Variants in VARS2 observed in about 807,000 individuals in gnomAD.
VARS2 encodes valyl-tRNA synthetase 2, mitochondrial, also known as valine--tRNA ligase, mitochondrial.
In VARS2, 105 loss-of-function variants were observed where a neutral mutation model predicts 154.1. That is an observed-to-expected ratio of 0.68 (90% CI 0.58 to 0.80). The LOEUF is 0.80. Among genes scored for constraint, VARS2 ranks in the 30% least tolerant of loss-of-function variants. The probability of loss-of-function intolerance (pLI) is 0.00; values close to 1 mark genes in which losing one functional copy is unlikely to be tolerated. For missense variants in VARS2, 1,157 were observed against 1,361.4 expected (o/e 0.85, Z 2.36); for synonymous variants, 483 against 539.5 (o/e 0.90, Z 1.45).
At chr6:30,914,420 G>C (rs1186463186) in intron 1 of VARS2, 76 bp downstream of exon 1, 2 of 1,274,136 alleles carry the variant, frequency 1.6e-6, no homozygotes, top group Admixed American at 4.0e-5. Flanking sequence ...GGATGGGCGG[G>C]AAGGCTTGGC....
chr6:30,924,591 T>G, intron 26 of VARS2, 31 bp downstream of exon 26: 1 of 1,231,330 alleles, frequency 8.1e-7, no homozygotes, highest in Non-Finnish European at 1.1e-6. Flanking sequence ...AGTGGGTCTG[T>G]GGGTGAATGG....
At position 30,921,489 on chromosome 6, in the gene VARS2, C is replaced by T. The variant is rs561052092; in HGVS notation, c.1633-100C>T. The T allele has an allele frequency of 2.9e-5, 43 of 1,466,758 alleles. No individual in the cohort carries two copies. The highest frequency in any genetic ancestry group is 3.7e-5 in the Non-Finnish European group (40 of 1,071,432). The allele number at this position is 1,466,758 out of a possible 1,614,324, so 90.9% of individuals were successfully genotyped here. On this transcript the variant is annotated intron_variant, in intron 17 of 29. Transcript: ENST00000676266. This position sits in a 1 kb window ranked among gnomAD's most constrained non-coding sequence, Gnocchi z 4.6. ...TTCTTTATCTCACCCCTGGGGGAACCTGGCCACTCTAAGACCACATGAGGA... is the reference window on the plus strand; with the variant it reads ...TTCTTTATCTCACCCCTGGGGGAACTTGGCCACTCTAAGACCACATGAGGA...
Position 30,923,199 on chromosome 6 carries a change from G to A in VARS2, c.2281G>A (p.Gly761Arg). 6.2e-7 allele frequency: 1 copy of A among 1,613,124 alleles called. No homozygotes were observed. Among genetic ancestry groups the A allele is most frequent in the Non-Finnish European group, 8.5e-7 (1 of 1,180,030 alleles). Reference sequence around the variant, plus strand: ...TCTTCGCTTTATCCTCAATGCTTTAGGGGAGAAATTTGTGCCACAGCCTGC... The same window carrying A: ...TCTTCGCTTTATCCTCAATGCTTTAAGGGAGAAATTTGTGCCACAGCCTGC... ...NALRFILNAL[G>R]EKFVPQPAEE... Residue 761 changes from glycine (G) to arginine (R), a missense_variant, in exon 24 of 30, where the codon GGG becomes AGG. Transcript: ENST00000676266.
At position 30,922,004 on chromosome 6, in the gene VARS2, G is replaced by T. The variant is rs767946859; in HGVS notation, c.1806+9G>T. The T allele has an allele frequency of 6.2e-7, 1 of 1,612,962 alleles. No homozygotes were observed. Among genetic ancestry groups the T allele is most frequent in the South Asian group, 1.1e-5 (1 of 91,076 alleles). On this transcript the variant is annotated intron_variant, in intron 19 of 29. Coordinates refer to ENST00000676266, the MANE Select transcript of VARS2 (RefSeq NM_020442.6). ...TGGGCTGGCCCCAAGAGGTGAGGTG[G>T]GTTGAGAGGGCGAAAGTGAAGGGGA...
In VARS2 at chr6:30,921,447, G is replaced by C. The variant is rs1272607318; in HGVS notation, c.1632+142G>C. On this transcript the variant is annotated intron_variant, in intron 17 of 29. Coordinates refer to ENST00000676266, the MANE Select transcript of VARS2 (RefSeq NM_020442.6). This position sits in a 1 kb window ranked among gnomAD's most constrained non-coding sequence, Gnocchi z 4.6. ...TCATGTAACCTTCTGCGCGATCAAG[G>C]CTCCCTGAAGTGGCATTTCTTTATC... 7.1e-7 allele frequency: 1 copy of C among 1,407,526 alleles called. No homozygotes were observed. Among genetic ancestry groups the C allele is most frequent in the Non-Finnish European group, 9.8e-7 (1 of 1,016,216 alleles). 87.2% of individuals were successfully genotyped at this position (1,407,526 alleles called of 1,614,324 possible).
Position 30,917,685 on chromosome 6 carries a change from G to T in VARS2, c.874-10G>T. 6.5e-7 allele frequency: 1 copy of T among 1,548,460 alleles called. No homozygotes were observed. On this transcript the variant is annotated splice_polypyrimidine_tract_variant and intron_variant, in intron 9 of 29. Transcript: ENST00000676266. The surrounding 1 kb of genome is among the most constrained non-coding windows in gnomAD (Gnocchi z 4.4). The stretch of plus-strand genomic sequence containing the variant: ...GCTGCCCTCTGACCCAGCTTTCTCG[G>T]TGCCTCCAGGTGGAGAACCGGCCCC...
Position 30,925,386 on chromosome 6 carries a change from G to A in VARS2, c.2785+1G>A, listed in dbSNP as rs745701814. 38 of 1,607,682 alleles carry A rather than the reference G, an allele frequency of 2.4e-5. No homozygotes were observed. The highest frequency in any genetic ancestry group is 3.2e-5 in the Non-Finnish European group (38 of 1,176,944). ...CAGCTCACCAAAGCCCGGCCCCGAG[G>A]TGAGGCAAGGCGGGTCCTGGGCTCG... On this transcript the variant is annotated splice_donor_variant, in intron 27 of 29. Coordinates refer to ENST00000676266, the MANE Select transcript of VARS2 (RefSeq NM_020442.6). LOFTEE classifies it high-confidence loss of function.
chr6:30,919,712 C>A lies in VARS2; in HGVS notation c.1075-46C>A. The A allele has an allele frequency of 6.8e-7, 1 of 1,480,664 alleles. No homozygotes were observed. The highest frequency in any genetic ancestry group is 9.1e-7 in the Non-Finnish European group (1 of 1,103,358). 91.7% of individuals were successfully genotyped at this position (1,480,664 alleles called of 1,614,324 possible). A position where few individuals can be genotyped will look rare whatever the true frequency, so the allele number is the denominator to read the frequency against. On this transcript the variant is annotated intron_variant, in intron 11 of 29. Transcript: ENST00000676266. This position sits in a 1 kb window ranked among gnomAD's most constrained non-coding sequence, Gnocchi z 4.5. ...TCTCACGCCCCAGCCCAGACCCTTC[C>A]AACCCTCACAGGTGCCTGTCCTTGA...
rs41273021 is a variant in VARS2, at chr6:30,918,952, C to T, written c.1074+37C>T. 0.1 allele frequency: 160,893 copies of T among 1,575,516 alleles called. 9,727 individuals are homozygous for T. Among genetic ancestry groups the T allele is most frequent in the Non-Finnish European group, 0.12 (136,277 of 1,147,920 alleles). On this transcript the variant is annotated intron_variant, in intron 11 of 29. Transcript: ENST00000676266. ...TGCGCTCCTGCACTCTGGCCCGCCC[C>T]GCCAATGGCCTTCTCTTCTCTTGGG...
In VARS2 at chr6:30,921,417, C is replaced by G; in HGVS notation, c.1632+112C>G. 1 of 1,463,972 alleles carries G rather than the reference C, an allele frequency of 6.8e-7. No individual in the cohort carries two copies. The highest frequency in any genetic ancestry group is 1.4e-5 in the African/African-American group (1 of 71,986). 90.7% of individuals were successfully genotyped at this position (1,463,972 alleles called of 1,614,324 possible). On this transcript the variant is annotated intron_variant, in intron 17 of 29. Coordinates refer to ENST00000676266, the MANE Select transcript of VARS2 (RefSeq NM_020442.6). The surrounding 1 kb of genome is among the most constrained non-coding windows in gnomAD (Gnocchi z 4.6). ...CCTGCCTGGTCATGTGCTTCATGCTCATAGTCATGTAACCTTCTGCGCGAT... is the reference window on the plus strand; with the variant it reads ...CCTGCCTGGTCATGTGCTTCATGCTGATAGTCATGTAACCTTCTGCGCGAT...
At position 30,914,310 on chromosome 6, in the gene VARS2, C is replaced by T; in HGVS notation, c.-62C>T. On this transcript the variant is annotated 5_prime_UTR_variant, in exon 1 of 30. Transcript: ENST00000676266. ...TGGTGGATTCCTCAGTCCCTGCCGC[C>T]GCGGGGCGCCCTGGGATAGCGGCGG... The T allele has an allele frequency of 1.8e-6, 2 of 1,142,412 alleles. No homozygotes were observed. Among genetic ancestry groups the T allele is most frequent in the Non-Finnish European group, 2.2e-6 (2 of 902,818 alleles). 70.8% of individuals were successfully genotyped at this position (1,142,412 alleles called of 1,614,324 possible).
chr6:30,914,319 C>G lies in VARS2; in HGVS notation c.-53C>G. 1.7e-6 allele frequency: 2 copies of G among 1,174,306 alleles called. No homozygotes were observed. The highest frequency in any genetic ancestry group is 6.4e-5 in the East Asian group (2 of 31,242). 72.7% of individuals were successfully genotyped at this position (1,174,306 alleles called of 1,614,324 possible). ...CCTCAGTCCCTGCCGCCGCGGGGCG[C>G]CCTGGGATAGCGGCGGGGCCTCCTG... On this transcript the variant is annotated 5_prime_UTR_variant, in exon 1 of 30. Transcript: ENST00000676266.
chr6:30,919,749 TC>T lies in VARS2; in HGVS notation c.1075-6del. 1 of 1,553,204 alleles carries T rather than the reference TC, an allele frequency of 6.4e-7. No individual in the cohort carries two copies. The highest frequency in any genetic ancestry group is 8.7e-7 in the Non-Finnish European group (1 of 1,144,974). On this transcript the variant is annotated splice_polypyrimidine_tract_variant and splice_region_variant and intron_variant, in intron 11 of 29. Coordinates refer to ENST00000676266, the MANE Select transcript of VARS2 (RefSeq NM_020442.6). This position sits in a 1 kb window ranked among gnomAD's most constrained non-coding sequence, Gnocchi z 4.5. ...GTGCCTGTCCTTGATCCCTCTCCCTTCCCTTCAGCATCTACACGGGCGACAG... is the reference window on the plus strand; with the variant it reads ...GTGCCTGTCCTTGATCCCTCTCCCTTCCTTCAGCATCTACACGGGCGACAG...
Position 30,921,441 on chromosome 6 carries a change from A to T in VARS2, c.1632+136A>T. 7.0e-7 allele frequency: 1 copy of T among 1,421,178 alleles called. No individual in the cohort carries two copies. The allele number at this position is 1,421,178 out of a possible 1,614,324, so 88.0% of individuals were successfully genotyped here. On this transcript the variant is annotated intron_variant, in intron 17 of 29. Coordinates refer to ENST00000676266, the MANE Select transcript of VARS2 (RefSeq NM_020442.6). The surrounding 1 kb of genome is among the most constrained non-coding windows in gnomAD (Gnocchi z 4.6). ...TCATAGTCATGTAACCTTCTGCGCG[A>T]TCAAGGCTCCCTGAAGTGGCATTTC... is the stretch of plus-strand genomic sequence containing the variant.
chr6:30,914,448 A>G (rs1794010952), intron 1 of VARS2, 104 bp downstream of exon 1: 3 of 1,281,260 alleles, frequency 2.3e-6, no homozygotes, highest in Non-Finnish European at 3.0e-6. Flanking sequence ...GGCTGTGGGC[A>G]CTGCAGGAGG....
Position 30,924,511 on chromosome 6 carries a change from C to A in VARS2, c.2624C>A (p.Pro875His). 1 of 1,590,610 alleles carries A rather than the reference C, an allele frequency of 6.3e-7. No homozygotes were observed. Among genetic ancestry groups the A allele is most frequent in the South Asian group, 1.1e-5 (1 of 89,102 alleles). Residue 875 changes from proline (P) to histidine (H), a missense_variant, in exon 26 of 30, where the codon CCC becomes CAC. By Grantham distance (77) the Pro-to-His change is moderately conservative. Coordinates refer to ENST00000676266, the MANE Select transcript of VARS2 (RefSeq NM_020442.6). The stretch of plus-strand genomic sequence containing the variant: ...AGGCTGCCCCCCAGGCCTGGTTGCC[C>A]CCCTGCCCCCAGCATCTCGGTTGCC... ...WQRLPPRPGCPPAPSISVAPY... is the reference protein window; with the variant it reads ...WQRLPPRPGCHPAPSISVAPY...
At chr6:30,914,775 C>A in intron 1 of VARS2, 35 bp from the exon 2 acceptor site, 1 of 1,585,610 alleles carries the variant, frequency 6.3e-7, no homozygotes, top group Non-Finnish European at 8.6e-7. Context: ...TCTCCACCCC[C>A]ATATCCTAAT....
Position 30,925,882 on chromosome 6 carries a change from C to T in VARS2, c.2964C>T (p.Gly988=). Residue 988 remains glycine (G), a splice_region_variant and synonymous_variant, in exon 29 of 30, where the codon GGC becomes GGT. Transcript: ENST00000676266. The part of the protein sequence containing the change: ...DTAQVYMELQ[G]LVDPQIQLPL... ...CTTTTCTCCCTGTTCTTCCCCAGGG[C>T]CTGGTGGACCCGCAGATCCAGCTAC... is the stretch of plus-strand genomic sequence containing the variant. 2 of 1,612,704 alleles carry T rather than the reference C, an allele frequency of 1.2e-6. No homozygotes were observed. The highest frequency in any genetic ancestry group is 1.7e-6 in the Non-Finnish European group (2 of 1,180,006).
intron 29 of VARS2, 46 bp from the exon 30 acceptor site, chr6:30,926,063 G>A: frequency 1.9e-6 from 3 of 1,612,992 alleles, no homozygotes; most frequent in Non-Finnish European, 8.5e-7. Flanking sequence ...TGTGGGCCAG[G>A]AGGGGCCTCA....
Sources: allele counts gnomAD v4.1 joint callset, GRCh38; gene constraint gnomAD v4.1.1; non-coding constraint Gnocchi (gnomAD v3.1); transcripts MANE v1.5; gene names NCBI Gene and HGNC (gene_info 2026-07-23, HGNC 2026-07-21).